TPM3: variants seen among roughly 807,000 people sequenced by gnomAD.
TPM3 encodes the protein tropomyosin 3.
TPM3 carries 16 observed loss-of-function variants against 43.1 expected under a neutral mutation model. The observed-to-expected ratio is 0.37, with a 90% CI of 0.25 to 0.56. TPM3 has a LOEUF of 0.56. TPM3 is among the 20% of genes least tolerant of loss of function. The pLI is 0.77. For missense variants in TPM3, 176 were observed against 337.2 expected (o/e 0.52, Z 3.74); for synonymous variants, 101 against 116.9 (o/e 0.86, Z 0.88).
Position 154,163,614 on chromosome 1 carries a change from T to C in TPM3, c.*4323A>G, listed in dbSNP as rs928915313. Among the ~76,000 whole-genome samples, 4 of 152,142 alleles carry C rather than the reference T, an allele frequency of 2.6e-5. No homozygotes were observed. The highest frequency in any genetic ancestry group is 5.9e-5 in the Non-Finnish European group (4 of 68,010). On this transcript the variant is annotated 3_prime_UTR_variant, in exon 10 of 10. Coordinates refer to ENST00000651641, the MANE Select transcript of TPM3 (RefSeq NM_152263.4). ...CCAATCAGTTCCATTTGGTTCCTCCTCTTACATAACGTTTTCCTCATTGTT... is the reference window on the plus strand; with the variant it reads ...CCAATCAGTTCCATTTGGTTCCTCCCCTTACATAACGTTTTCCTCATTGTT...
chr1:154,190,220 G>A (rs1409003217), intron 2 of TPM3, among the ~76,000 whole-genome samples: 1 of 152,186 alleles, frequency 6.6e-6, no homozygotes, highest in African/African-American at 2.4e-5. Flanking sequence ...GGGATTACAG[G>A]CGTGAGCCAC....
downstream of TPM3, among the ~76,000 whole-genome samples, chr1:154,161,622 T>A (rs1019170512): frequency 1.3e-5 from 2 of 151,614 alleles, no homozygotes; most frequent in African/African-American, 4.8e-5. Flanking sequence ...TTTTTTTTTT[T>A]AGTAGAGATG....
rs1383507270 is a variant in TPM3 at position 154,167,854 on chromosome 1, A to T, written c.*83T>A. On this transcript the variant is annotated 3_prime_UTR_variant, in exon 10 of 10. Transcript: ENST00000651641. ...TTGGGGACCAGCCAGGCTGACCCAA[A>T]TGGAATCCAGAGCGAGAGTGGGGCC... 7 of 1,613,520 alleles carry T rather than the reference A, an allele frequency of 4.3e-6. No individual in the cohort carries two copies. Among genetic ancestry groups the T allele is most frequent in the Non-Finnish European group, 5.9e-6 (7 of 1,179,596 alleles).
At chr1:154,173,294 C>T in intron 3 of TPM3, 93 bp from the exon 4 acceptor site, 1 of 1,001,090 alleles carries the variant, frequency 1.0e-6, no homozygotes, top group South Asian at 1.3e-5. Context: ...TTTAAAAGCC[C>T]ACTCCTCTCT....
At chr1:154,157,863 A>G, downstream of TPM3, 2 of 700,250 alleles carry the variant, frequency 2.9e-6, no homozygotes, top group East Asian at 5.2e-5. Flanking sequence ...GAGCTATTAC[A>G]TCACCCAGTT....
At chr1:154,174,385 T>TATATATATATATATATATATATAC (rs1662014164) in intron 3 of TPM3, among the ~76,000 whole-genome samples, 3 of 94,326 alleles carry the variant, frequency 3.2e-5, no homozygotes, top group Non-Finnish European at 6.0e-5. Context: ...TATATATATA[T>TATATATATATATATATATATATAC]ATATATATAT....
At chr1:154,171,850 G>T in intron 5 of TPM3, 2 of 769,914 alleles carry the variant, frequency 2.6e-6, no homozygotes, top group Non-Finnish European at 4.5e-6. Context: ...AGGCAGTGAA[G>T]CAACTAGGAA....
At chr1:154,155,960 T>C (rs537582831), downstream of TPM3, 112 of 187,402 alleles carry the variant, frequency 6.0e-4, no homozygotes, top group Middle Eastern at 7.8e-3. Context: ...CTGGGTGCGG[T>C]GGCTCACGCC....
At chr1:154,179,510 TA>T (rs1391362403) in intron 2 of TPM3, among the ~76,000 whole-genome samples, 3 of 152,174 alleles carry the variant, frequency 2.0e-5, no homozygotes, top group Admixed American at 2.0e-4. Flanking sequence ...CCCTCGGTAG[TA>T]CTCTTAAGGT....
At chr1:154,172,151 G>A (rs1244087196) in intron 5 of TPM3, 2 of 1,596,166 alleles carry the variant, frequency 1.3e-6, no homozygotes, top group Non-Finnish European at 8.6e-7. Flanking sequence ...TTGTGGGGAG[G>A]GAGAAAGGTC....
chr1:154,166,801 C>T lies in TPM3; in HGVS notation c.*1136G>A. 1 of 597,416 alleles carries T rather than the reference C, an allele frequency of 1.7e-6. No individual in the cohort carries two copies. Among genetic ancestry groups the T allele is most frequent in the African/African-American group, 2.0e-5 (1 of 49,752 alleles). The allele number at this position is 597,416 out of a possible 1,614,324, so 37.0% of individuals were successfully genotyped here. A position where few individuals can be genotyped will look rare whatever the true frequency, so the allele number is the denominator to read the frequency against. ...GGTGCAAGCGATTCTCCTGCCTCAG[C>T]CTCCCGAGTAGCTGGGATTACAGGC... On this transcript the variant is annotated 3_prime_UTR_variant, in exon 10 of 10. Coordinates refer to ENST00000651641, the MANE Select transcript of TPM3 (RefSeq NM_152263.4).
chr1:154,178,087 G>A, intron 2 of TPM3: 1 of 966,612 alleles, frequency 1.0e-6, no homozygotes, highest in Non-Finnish European at 1.2e-6. Flanking sequence ...GCAAGACCTA[G>A]GAGACACTGC....
intron 2 of TPM3, among the ~76,000 whole-genome samples, chr1:154,188,551 T>C (rs1170601188): frequency 2.0e-5 from 3 of 150,884 alleles, no homozygotes; most frequent in African/African-American, 5.0e-5. Flanking sequence ...GGCGGGCACC[T>C]GTAGTCCCAG....
chr1:154,169,176 T>C (rs1367491558), intron 9 of TPM3, 129 bp downstream of exon 9: 2 of 1,021,370 alleles, frequency 2.0e-6, no homozygotes, highest in Non-Finnish European at 3.0e-6. Context: ...CCAGCACCAA[T>C]GTTTCAAAGA....
At chr1:154,180,619 C>T (rs1662835980) in intron 2 of TPM3, among the ~76,000 whole-genome samples, 1 of 152,128 alleles carries the variant, frequency 6.6e-6, no homozygotes, top group Non-Finnish European at 1.5e-5. Flanking sequence ...TAAGAAACAT[C>T]ACCCCAGGAC....
chr1:154,189,851 G>GAGAGACCAA (rs1553251479), intron 2 of TPM3, among the ~76,000 whole-genome samples: 1 of 150,018 alleles, frequency 6.7e-6, no homozygotes, highest in Non-Finnish European at 1.5e-5. Context: ...CCGGATGGCA[G>GAGAGACCAA]AGAGACCAAA....
intron 3 of TPM3, among the ~76,000 whole-genome samples, chr1:154,173,698 A>T (rs1167429876): frequency 6.6e-6 from 1 of 151,994 alleles, no homozygotes; most frequent in East Asian, 1.9e-4. Flanking sequence ...TTATAAAGGT[A>T]ATACATCCTG....
At chr1:154,177,255 A>G (rs977521745) in intron 2 of TPM3, among the ~76,000 whole-genome samples, 3 of 152,142 alleles carry the variant, frequency 2.0e-5, no homozygotes, top group Non-Finnish European at 4.4e-5. Context: ...ATAGCTTTAC[A>G]AAAAAGAAAG....
rs915971774 is a variant in TPM3, at chr1:154,163,209, C to A, written c.*4728G>T. On this transcript the variant is annotated 3_prime_UTR_variant, in exon 10 of 10. Transcript: ENST00000651641. ...CATTGTCCAATATAATAGCCACTAGCCACAGGTAGCCAAATTTAAATGAAC... is the reference window on the plus strand; with the variant it reads ...CATTGTCCAATATAATAGCCACTAGACACAGGTAGCCAAATTTAAATGAAC... Among the ~76,000 whole-genome samples, 2 of 152,166 alleles carry A rather than the reference C, an allele frequency of 1.3e-5. No homozygotes were observed. The highest frequency in any genetic ancestry group is 4.8e-5 in the African/African-American group (2 of 41,430).
Sources: gnomAD v4.1 joint callset for allele counts (sites outside exome capture counted in the v4.1 genomes callset) on GRCh38, gnomAD v4.1.1 for gene constraint, MANE v1.5 for transcripts, NCBI Gene and HGNC (gene_info 2026-07-23, HGNC 2026-07-21) for gene names.